ZNF283: variants seen among roughly 807,000 people sequenced by gnomAD.
The protein encoded by ZNF283 is zinc finger protein 41.
ZNF283 carries 10 observed loss-of-function variants against 9.2 expected under a neutral mutation model. The observed-to-expected ratio is 1.09, with a 90% CI of 0.67 to 1.85. The LOEUF (loss-of-function observed/expected upper bound fraction) is 1.85. Ranked by LOEUF, ZNF283 falls within the 40% of genes most tolerant of loss-of-function variation. The pLI is 0.00. For synonymous variants in ZNF283, 234 were observed against 244.1 expected, an observed-to-expected ratio of 0.96 and a Z score of 0.38; for missense variants, 631 against 760.1, an observed-to-expected ratio of 0.83 and a Z score of 2.00.
chr19:43,838,565 G>T (rs1006595403), intron 6 of ZNF283, among the ~76,000 whole-genome samples: 1 of 152,138 alleles, frequency 6.6e-6, no homozygotes, highest in African/African-American at 2.4e-5. Context: ...AGAGGTTGAG[G>T]CTGCAGTGAG....
Position 43,837,125 on chromosome 19 carries a change from A to C in ZNF283, c.283A>C (p.Arg95=). 3 of 1,613,960 alleles carry C rather than the reference A, an allele frequency of 1.9e-6. No homozygotes were observed. Among genetic ancestry groups the C allele is most frequent in the Non-Finnish European group, 2.5e-6 (3 of 1,179,924 alleles). The change falls in exon 6 of 7, where the codon AGG becomes CGG. Residue 95 remains arginine, a synonymous_variant. Transcript: ENST00000618787. The part of the protein sequence containing the change: ...EEWECLDPAQ[R]DLYVDVMLEN... ...GTGGGAATGCCTGGACCCTGCTCAG[A>C]GGGACTTGTACGTGGATGTAATGTT...
rs573433718 is a variant in ZNF283, at chr19:43,840,337, C to T, written c.337+3158C>T. On this transcript the variant is annotated intron_variant, in intron 6 of 6. Transcript: ENST00000618787. ...AAGGCAGTTATCTGTGCTGGTCCCT[C>T]AAGGTAACACAAAACCCACCAAACT... Among the ~76,000 whole-genome samples the T allele has an allele frequency of 4.6e-5, 7 of 152,252 alleles. No homozygotes were observed. In the South Asian group the frequency reaches 1.2e-3, roughly 27 times the overall value.
chr19:43,831,525 C>A, intron 3 of ZNF283, 144 bp downstream of exon 3: 1 of 713,172 alleles, frequency 1.4e-6, no homozygotes, highest in Non-Finnish European at 2.3e-6. Context: ...GGAATTAATG[C>A]AGGCTTGGTC....
chr19:43,835,524 T>C lies in ZNF283; in HGVS notation c.142T>C (p.Cys48Arg). The C allele has an allele frequency of 6.2e-7, 1 of 1,611,072 alleles. No individual in the cohort carries two copies. The highest frequency in any genetic ancestry group is 2.2e-5 in the East Asian group (1 of 44,848). ...WDYSSGFSGF[C>R]ASPIEESHGA... ...CCCCAGTTCTGGCTTTTCTGGATTC[T>C]GTGCTTCACCAATAGAGGAATCCCA... The change falls in exon 5 of 7, where the codon TGT becomes CGT. Residue 48 changes from cysteine to arginine, a missense_variant. Transcript: ENST00000618787.
At position 43,836,010 on chromosome 19, in the gene ZNF283, A is replaced by T. The variant is rs1001085093; in HGVS notation, c.210+418A>T. On this transcript the variant is annotated intron_variant, in intron 5 of 6. Coordinates refer to ENST00000618787, the MANE Select transcript of ZNF283 (RefSeq NM_181845.2). The stretch of plus-strand genomic sequence containing the variant: ...TGTATCAGTACTCTCTAACTCAGGG[A>T]CAAGTGAAGTACTAAGCGAGGGGTA... 4.6e-5 allele frequency among the ~76,000 whole-genome samples: 7 copies of T among 152,304 alleles called. No homozygotes were observed. In the South Asian group the frequency reaches 1.5e-3, roughly 32 times the overall value.
intron 3 of ZNF283, among the ~76,000 whole-genome samples, chr19:43,831,909 G>A (rs1465134060): frequency 2.6e-5 from 4 of 152,106 alleles, no homozygotes; most frequent in Admixed American, 6.5e-5. Context: ...AATTACAGGC[G>A]TGAGCCACCA....
chr19:43,839,885 C>T (rs1254709392), intron 6 of ZNF283, among the ~76,000 whole-genome samples: 1 of 152,118 alleles, frequency 6.6e-6, no homozygotes, highest in South Asian at 2.1e-4. Flanking sequence ...TTGGATAGTT[C>T]ATTTAATGTC....
rs1197373136 is a variant in ZNF283 at position 43,831,400 on chromosome 19, A to G, written c.-1+19A>G. ...AGAGCTGGTAGGTGTAAATTGTTTCAGGCCCACTGATTTTCAGTGTTGGCC... is the reference window on the plus strand; with the variant it reads ...AGAGCTGGTAGGTGTAAATTGTTTCGGGCCCACTGATTTTCAGTGTTGGCC... On this transcript the variant is annotated intron_variant, in intron 3 of 6. Transcript: ENST00000618787. 1 of 1,588,006 alleles carries G rather than the reference A, an allele frequency of 6.3e-7. No individual in the cohort carries two copies. The highest frequency in any genetic ancestry group is 2.2e-5 in the East Asian group (1 of 44,704).
Position 43,831,894 on chromosome 19 carries a change from GC to G in ZNF283, c.-1+514del, listed in dbSNP as rs201104592. ...TCCGCCTCCTTTGGCCTTCCAAAGT[GC>G]TGGAATTACAGGCGTGAGCCACCAC... is the stretch of plus-strand genomic sequence containing the variant. On this transcript the variant is annotated intron_variant, in intron 3 of 6. Coordinates refer to ENST00000618787, the MANE Select transcript of ZNF283 (RefSeq NM_181845.2). 8.2e-3 allele frequency among the ~76,000 whole-genome samples: 1,250 copies of G among 152,298 alleles called. 15 individuals carry two copies. The highest frequency in any genetic ancestry group is 0.029 in the African/African-American group (1,196 of 41,566).
rs753199593 is a variant in ZNF283 at position 43,831,419 on chromosome 19, G to A, written c.-1+38G>A. 1.6e-5 allele frequency: 24 copies of A among 1,547,254 alleles called. No individual in the cohort carries two copies. In the Admixed American group the frequency reaches 3.4e-4, roughly 22 times the overall value. Reference sequence around the variant, plus strand: ...TGTTTCAGGCCCACTGATTTTCAGTGTTGGCCCCGTTTGTTCAGTTTTCTT... The same window carrying A: ...TGTTTCAGGCCCACTGATTTTCAGTATTGGCCCCGTTTGTTCAGTTTTCTT... On this transcript the variant is annotated intron_variant, in intron 3 of 6. Transcript: ENST00000618787.
In ZNF283 at chr19:43,847,715, A is replaced by T; in HGVS notation, c.1114A>T (p.Lys372Ter). ...TCAGCATCAGAAAATCCATACTGGT[A>T]AGAAACCTTATGAATGTAAAATATG... ...LTQHQKIHTG[K>*]KPYECKICGK... is the part of the protein sequence containing the mutation. The change falls in exon 7 of 7, where the codon AAG becomes TAG. Residue 372 changes from lysine to a stop codon, truncating the protein, a stop_gained. Transcript: ENST00000618787. LOFTEE classifies it low-confidence loss of function (END_TRUNC). 2 of 1,610,184 alleles carry T rather than the reference A, an allele frequency of 1.2e-6. No individual in the cohort carries two copies. The highest frequency in any genetic ancestry group is 1.7e-6 in the Non-Finnish European group (2 of 1,178,616).
At chr19:43,843,200 G>C (rs953287737) in intron 6 of ZNF283, among the ~76,000 whole-genome samples, 1 of 152,174 alleles carries the variant, frequency 6.6e-6, no homozygotes, top group Non-Finnish European at 1.5e-5. Context: ...AATTAGCTGA[G>C]CATGGTGGCA....
Position 43,831,393 on chromosome 19 carries a change from T to C in ZNF283, c.-1+12T>C. On this transcript the variant is annotated intron_variant, in intron 3 of 6. Coordinates refer to ENST00000618787, the MANE Select transcript of ZNF283 (RefSeq NM_181845.2). ...ATGTTCGAGAGCTGGTAGGTGTAAA[T>C]TGTTTCAGGCCCACTGATTTTCAGT... 6.3e-7 allele frequency: 1 copy of C among 1,591,678 alleles called. No homozygotes were observed.
intron 2 of ZNF283, among the ~76,000 whole-genome samples, chr19:43,831,023 C>G (rs970894415): frequency 2.7e-5 from 4 of 150,014 alleles, no homozygotes; most frequent in Non-Finnish European, 5.9e-5. Flanking sequence ...TATAAAGAGT[C>G]AAAGGAAGGA....
chr19:43,829,663 A>G (rs1970616569), intron 2 of ZNF283, among the ~76,000 whole-genome samples: 1 of 152,174 alleles, frequency 6.6e-6, no homozygotes, highest in Admixed American at 6.6e-5. Flanking sequence ...ATTATTTCCC[A>G]TAAACTTTTT....
intron 5 of ZNF283, among the ~76,000 whole-genome samples, chr19:43,836,588 G>T (rs1253181549): frequency 6.6e-6 from 1 of 152,168 alleles, no homozygotes; most frequent in African/African-American, 2.4e-5. Context: ...TGATTTGCCT[G>T]CCTCAGCCTC....
chr19:43,839,123 G>T (rs186491175), intron 6 of ZNF283, among the ~76,000 whole-genome samples: 11 of 152,222 alleles, frequency 7.2e-5, no homozygotes, highest in Admixed American at 6.5e-4. Context: ...TTCTTCTAGA[G>T]TAGGTCTACT....
chr19:43,827,773 T>C (rs1970540780), intron 1 of ZNF283: 2 of 152,294 alleles, frequency 1.3e-5, no homozygotes, highest in Admixed American at 1.3e-4. Flanking sequence ...CCAAATGCTC[T>C]AGGTTCCCTT....
Position 43,837,088 on chromosome 19 carries a change from C to A in ZNF283, c.246C>A (p.Phe82Leu). ...CATTCAGGGATGTGGCCATCGACTT[C>A]TCTCAGGAGGAGTGGGAATGCCTGG... ...LVTFRDVAID[F>L]SQEEWECLDP... is the part of the protein sequence containing the mutation. The change falls in exon 6 of 7, where the codon TTC (phenylalanine) becomes TTA (leucine). Residue 82 changes from phenylalanine (F) to leucine (L), a missense_variant. By Grantham distance (22) the Phe-to-Leu change is conservative. Around this residue, in one of 3 missense-constraint regions of ZNF283, gnomAD observed 184 missense variants for 220.0 expected, o/e 0.84. Transcript: ENST00000618787. The A allele has an allele frequency of 6.2e-7, 1 of 1,614,128 alleles. No individual in the cohort carries two copies. The highest frequency in any genetic ancestry group is 8.5e-7 in the Non-Finnish European group (1 of 1,180,006).
Sources: allele counts gnomAD v4.1 joint callset (sites outside exome capture counted in the v4.1 genomes callset), GRCh38; gene constraint gnomAD v4.1.1; regional missense constraint gnomAD v4.1.1; transcripts MANE v1.5; gene names NCBI Gene and HGNC (gene_info 2026-07-23, HGNC 2026-07-21).